The following ST6GALNAC3 variants were observed in gnomAD, a reference collection of about 807,000 sequenced individuals.
ST6GALNAC3 encodes alpha-N-acetylgalactosaminide alpha-2,6-sialyltransferase 3.
A neutral mutation model predicts 32.7 loss-of-function variants in ST6GALNAC3; 25 were observed. That is an observed-to-expected ratio of 0.76 (90% CI 0.56 to 1.07). The LOEUF is 1.07. Ranked by LOEUF, ST6GALNAC3 falls within the 50% of genes least tolerant of loss-of-function variation. The pLI, the probability that ST6GALNAC3 is intolerant of heterozygous loss-of-function variation, is 0.00. For missense variants in ST6GALNAC3, 355 were observed against 382.4 expected, an observed-to-expected ratio of 0.93 and a Z score of 0.60; for synonymous variants, 129 against 133.1, an observed-to-expected ratio of 0.97 and a Z score of 0.21.
chr1:76,459,869 CAT>C (rs1215749208), intron 3 of ST6GALNAC3, among the ~76,000 whole-genome samples: 1 of 152,114 alleles, frequency 6.6e-6, no homozygotes, highest in Non-Finnish European at 1.5e-5. Flanking sequence ...GGATATAACT[CAT>C]TTTGTTTATT....
intron 3 of ST6GALNAC3, among the ~76,000 whole-genome samples, chr1:76,595,976 C>T (rs1302784005): frequency 6.9e-6 from 1 of 144,516 alleles, no homozygotes; most frequent in Non-Finnish European, 1.5e-5. Flanking sequence ...CTGAGTTTTA[C>T]TCAGGGGATG....
At chr1:76,313,713 A>T in intron 1 of ST6GALNAC3, 92 bp from the exon 2 acceptor site, 4 of 1,322,496 alleles carry the variant, frequency 3.0e-6, no homozygotes, top group Non-Finnish European at 4.3e-6. Context: ...ACCCCTATGA[A>T]AGAAAAAGAG....
At chr1:76,179,094 T>A (rs1374518037) in intron 1 of ST6GALNAC3, among the ~76,000 whole-genome samples, 1 of 152,172 alleles carries the variant, frequency 6.6e-6, no homozygotes, top group Non-Finnish European at 1.5e-5. Context: ...CCTTTACTTT[T>A]CACGTGGGCT....
chr1:76,209,007 G>A (rs1334628295), intron 1 of ST6GALNAC3, among the ~76,000 whole-genome samples: 5 of 152,054 alleles, frequency 3.3e-5, no homozygotes, highest in Non-Finnish European at 1.5e-5. Context: ...TTTATCTTTT[G>A]TAGTTCTCCT....
chr1:76,474,922 G>A (rs1379159580), intron 3 of ST6GALNAC3, among the ~76,000 whole-genome samples: 4 of 152,216 alleles, frequency 2.6e-5, no homozygotes, highest in South Asian at 2.1e-4. Flanking sequence ...TAAAATTATC[G>A]TCATTCAAGA....
chr1:76,629,404 C>G lies in ST6GALNAC3; in HGVS notation c.*598C>G, dbSNP rs1649179525. The G allele has an allele frequency of 1.0e-6, 1 of 985,444 alleles. No individual in the cohort carries two copies. Among genetic ancestry groups the G allele is most frequent in the African/African-American group, 1.7e-5 (1 of 57,182 alleles). 61.0% of individuals were successfully genotyped at this position (985,444 alleles called of 1,614,324 possible). On this transcript the variant is annotated 3_prime_UTR_variant, in exon 5 of 5. Transcript: ENST00000328299. ...ATTGCCTAATTAACAATGAAGATTT[C>G]ATGGACATCCTACACTTCAGGATTA...
chr1:76,133,111 C>T (rs76693233), intron 1 of ST6GALNAC3, among the ~76,000 whole-genome samples: 1,547 of 152,280 alleles, frequency 0.01, 23 homozygotes, highest in African/African-American at 0.036. Flanking sequence ...CAAACTACAT[C>T]TTTCTGCTGG....
intron 1 of ST6GALNAC3, among the ~76,000 whole-genome samples, chr1:76,190,723 G>T (rs769026064): frequency 3.9e-5 from 6 of 152,176 alleles, no homozygotes; most frequent in Non-Finnish European, 8.8e-5. Flanking sequence ...GTAAGGTAAA[G>T]CTTTTTAGCC....
chr1:76,344,123 A>G (rs1373432986), intron 2 of ST6GALNAC3, among the ~76,000 whole-genome samples: 1 of 152,226 alleles, frequency 6.6e-6, no homozygotes, highest in East Asian at 1.9e-4. Flanking sequence ...AACAAACATG[A>G]TATTCTGCTA....
At chr1:76,231,310 ATTT>A (rs563092736) in intron 1 of ST6GALNAC3, among the ~76,000 whole-genome samples, 1 of 151,966 alleles carries the variant, frequency 6.6e-6, no homozygotes, top group Non-Finnish European at 1.5e-5. Context: ...GTTTTTTAAA[ATTT>A]TTTTTTATTA....
chr1:76,326,786 G>T (rs1483706385), intron 2 of ST6GALNAC3, among the ~76,000 whole-genome samples: 2 of 142,808 alleles, frequency 1.4e-5, no homozygotes, highest in African/African-American at 5.2e-5. Context: ...GCATTTGGTT[G>T]CTATACTGAA....
At chr1:76,339,242 T>C (rs1647756770) in intron 2 of ST6GALNAC3, among the ~76,000 whole-genome samples, 1 of 152,108 alleles carries the variant, frequency 6.6e-6, no homozygotes, top group African/African-American at 2.4e-5. Flanking sequence ...AAAGGGAAGA[T>C]TCCCCTGAAT....
At chr1:76,096,474 G>C (rs921555111) in intron 1 of ST6GALNAC3, among the ~76,000 whole-genome samples, 4 of 152,068 alleles carry the variant, frequency 2.6e-5, no homozygotes, top group Admixed American at 2.6e-4. Flanking sequence ...ACAATACAGT[G>C]AATACTATAG....
chr1:76,550,781 G>A (rs1664572931), intron 3 of ST6GALNAC3, among the ~76,000 whole-genome samples: 1 of 151,964 alleles, frequency 6.6e-6, no homozygotes, highest in Admixed American at 6.6e-5. Flanking sequence ...ACGGAGTTTT[G>A]CTCTTGTCAC....
At chr1:76,486,932 A>G (rs1660160291) in intron 3 of ST6GALNAC3, among the ~76,000 whole-genome samples, 1 of 152,062 alleles carries the variant, frequency 6.6e-6, no homozygotes, top group African/African-American at 2.4e-5. Context: ...TGGTGACAAA[A>G]TCTCTCAGCA....
intron 3 of ST6GALNAC3, among the ~76,000 whole-genome samples, chr1:76,532,870 CTT>C (rs35258685): frequency 3.3e-5 from 5 of 151,880 alleles, no homozygotes; most frequent in Non-Finnish European, 7.4e-5. Flanking sequence ...ATGAATAATG[CTT>C]TTTTTAAAAA....
chr1:76,264,952 A>G (rs1210645437), intron 1 of ST6GALNAC3, among the ~76,000 whole-genome samples: 1 of 151,326 alleles, frequency 6.6e-6, no homozygotes, highest in Non-Finnish European at 1.5e-5. Flanking sequence ...TTTCTTGATA[A>G]GACAGTGGTA....
chr1:76,600,706 A>C (rs1454852639), intron 3 of ST6GALNAC3, among the ~76,000 whole-genome samples: 1 of 152,236 alleles, frequency 6.6e-6, no homozygotes, highest in East Asian at 1.9e-4. Flanking sequence ...GTTATTATAA[A>C]ATAAATGCAT....
chr1:76,562,979 G>A (rs1450961337), intron 3 of ST6GALNAC3, among the ~76,000 whole-genome samples: 3 of 152,152 alleles, frequency 2.0e-5, no homozygotes, highest in Non-Finnish European at 4.4e-5. Context: ...GCTATGTGGG[G>A]CTTTTACTGA....
Sources: gnomAD v4.1 joint callset for allele counts (sites outside exome capture counted in the v4.1 genomes callset) on GRCh38, gnomAD v4.1.1 for gene constraint, MANE v1.5 for transcripts, NCBI Gene and HGNC (gene_info 2026-07-23, HGNC 2026-07-21) for gene names.